Variants in ARL17B observed in about 807,000 individuals in gnomAD.
The protein encoded by ARL17B is ARF like GTPase 17B.
intron 4 of ARL17B, among the ~76,000 whole-genome samples, chr17:46,281,961 T>C (rs1222879606): frequency 1.3e-5 from 2 of 152,064 alleles, no homozygotes; most frequent in Non-Finnish European, 2.9e-5. Flanking sequence ...ACAGATTTTG[T>C]AGTTTCTTGT....
intron 4 of ARL17B, among the ~76,000 whole-genome samples, chr17:46,288,989 C>T (rs1164918100): frequency 6.6e-6 from 1 of 152,188 alleles, no homozygotes; most frequent in African/African-American, 2.4e-5. Context: ...GCGTGAGTCT[C>T]TGTGTCTGGC....
At chr17:46,279,691 T>C (rs1396073807) in intron 4 of ARL17B, among the ~76,000 whole-genome samples, 1 of 152,006 alleles carries the variant, frequency 6.6e-6, no homozygotes, top group African/African-American at 2.4e-5. Context: ...AGATGGGGTT[T>C]CCTCATGTTG....
At chr17:46,344,217 AAAAT>A (rs1204332711) in intron 3 of ARL17B, among the ~76,000 whole-genome samples, 18 of 140,460 alleles carry the variant, frequency 1.3e-4, no homozygotes, top group African/African-American at 4.3e-4. Context: ...CCTGTCTCAA[AAAAT>A]AAATAAATAG....
chr17:46,279,012 G>A (rs568133016), intron 4 of ARL17B, among the ~76,000 whole-genome samples: 1 of 152,104 alleles, frequency 6.6e-6, no homozygotes, highest in Non-Finnish European at 1.5e-5. Context: ...TGGTCAGGCT[G>A]GTCTCGAACT....
intron 4 of ARL17B, among the ~76,000 whole-genome samples, chr17:46,290,399 T>C (rs558672114): frequency 6.6e-6 from 1 of 152,286 alleles, no homozygotes; most frequent in African/African-American, 2.4e-5. Context: ...ATGCTGGGAT[T>C]ACAGGCTGTG....
chr17:46,324,762 C>A lies in ARL17B; in HGVS notation c.260-25097G>T, dbSNP rs2051635162. On this transcript the variant is annotated intron_variant, in intron 3 of 4. Transcript: ENST00000434041. Reference sequence around the variant, plus strand: ...ACCTGAGTCAGGAGGATCACTTGAACCCAGGAAGTGGAGGTTGCAGTGAGC... The same window carrying A: ...ACCTGAGTCAGGAGGATCACTTGAAACCAGGAAGTGGAGGTTGCAGTGAGC... Among the ~76,000 whole-genome samples the A allele has an allele frequency of 2.7e-5, 2 of 74,994 alleles. 1 individual carries two copies. Among genetic ancestry groups the A allele is most frequent in the Non-Finnish European group, 7.9e-5 (2 of 25,354 alleles). The allele number at this position is 74,994 out of a possible 152,430, so 49.2% of individuals were successfully genotyped here. A position where few individuals can be genotyped will look rare whatever the true frequency, so the allele number is the denominator to read the frequency against.
intron 4 of ARL17B, among the ~76,000 whole-genome samples, chr17:46,283,470 C>A (rs1303472485): frequency 6.6e-6 from 1 of 152,236 alleles, no homozygotes; most frequent in African/African-American, 2.4e-5. Context: ...TGAGTCACTA[C>A]ATCAATGAAC....
downstream of ARL17B, chr17:46,331,575 A>C: frequency 6.2e-7 from 1 of 1,604,398 alleles, no homozygotes; most frequent in Non-Finnish European, 8.5e-7. Flanking sequence ...ACTGCATTCA[A>C]CTTAGGGCCA....
intron 4 of ARL17B, among the ~76,000 whole-genome samples, chr17:46,285,082 T>C (rs866065528): frequency 1.3e-5 from 2 of 152,202 alleles, no homozygotes; most frequent in Non-Finnish European, 2.9e-5. Flanking sequence ...TTGCCCAGAT[T>C]GGTCTCTAAC....
chr17:46,287,196 G>A (rs1255354021), intron 4 of ARL17B, among the ~76,000 whole-genome samples: 2 of 152,222 alleles, frequency 1.3e-5, no homozygotes, highest in Non-Finnish European at 2.9e-5. Context: ...ACACTGCTTA[G>A]TGAAATATGG....
At chr17:46,281,605 A>T in intron 4 of ARL17B, among the ~76,000 whole-genome samples, 2 of 152,110 alleles carry the variant, frequency 1.3e-5, no homozygotes. Flanking sequence ...AATTTTTAAA[A>T]TTTTTGTAGA....
At chr17:46,287,632 C>G (rs1439983811) in intron 4 of ARL17B, among the ~76,000 whole-genome samples, 1 of 152,250 alleles carries the variant, frequency 6.6e-6, no homozygotes, top group Non-Finnish European at 1.5e-5. Flanking sequence ...TGGCATGGGC[C>G]ACTTTTTCAG....
At chr17:46,350,611 G>A (rs550912737) in intron 3 of ARL17B, among the ~76,000 whole-genome samples, 1 of 86,888 alleles carries the variant, frequency 1.2e-5, no homozygotes, top group Admixed American at 1.2e-4. Flanking sequence ...CTCACACTAT[G>A]GTCTCAGCAC....
intron 4 of ARL17B, among the ~76,000 whole-genome samples, chr17:46,276,612 T>C (rs2143295912): frequency 6.6e-6 from 1 of 152,250 alleles, no homozygotes; most frequent in South Asian, 2.1e-4. Context: ...AGATCATAAA[T>C]TACAATGGGA....
At chr17:46,350,504 G>A (rs1474591985) in intron 3 of ARL17B, among the ~76,000 whole-genome samples, 9 of 75,158 alleles carry the variant, frequency 1.2e-4, no homozygotes, top group African/African-American at 3.0e-4. Flanking sequence ...AGCCAAGCAA[G>A]TTAGATGGCA....
At chr17:46,284,059 T>C (rs2049842960) in intron 4 of ARL17B, among the ~76,000 whole-genome samples, 1 of 152,248 alleles carries the variant, frequency 6.6e-6, no homozygotes, top group Non-Finnish European at 1.5e-5. Flanking sequence ...TACCGAGACA[T>C]TCCATTGCCC....
At chr17:46,288,706 C>CTTTTTTTTTTT (rs199591277) in intron 4 of ARL17B, among the ~76,000 whole-genome samples, 44 of 138,786 alleles carry the variant, frequency 3.2e-4, no homozygotes, top group South Asian at 4.4e-4. Context: ...CTTGTTTTTT[C>CTTTTTTTTTTT]TTTTTTTTTT....
exon 5 of ARL17B, chr17:46,275,300 A>C: frequency 1.4e-6 from 1 of 703,430 alleles, no homozygotes; most frequent in East Asian, 4.5e-5. Context: ...TAGCCTCACT[A>C]AAAAGATCTG....
downstream of ARL17B, chr17:46,332,466 G>A (rs2052011958): frequency 1.8e-6 from 1 of 552,290 alleles, no homozygotes; most frequent in Non-Finnish European, 3.2e-6. Flanking sequence ...AAATAAAAAA[G>A]AACCTGTCAG....
Sources: allele counts gnomAD v4.1 joint callset (sites outside exome capture counted in the v4.1 genomes callset), GRCh38; gene constraint gnomAD v4.1.1; transcripts MANE v1.5; gene names NCBI Gene and HGNC (gene_info 2026-07-23, HGNC 2026-07-21).